DYRK1A: variants seen among roughly 807,000 people sequenced by gnomAD.
The protein encoded by DYRK1A is dual specificity tyrosine phosphorylation regulated kinase 1A.
A neutral mutation model predicts 79.7 loss-of-function variants in DYRK1A; 9 were observed. The ratio of observed to expected loss-of-function variants is 0.11; its 90% confidence interval spans 0.07 to 0.20. The LOEUF is 0.20. Ranked by LOEUF, DYRK1A falls within the 10% of genes least tolerant of loss-of-function variation. The probability of loss-of-function intolerance (pLI) is 1.00; values close to 1 mark genes in which losing one functional copy is unlikely to be tolerated. For synonymous variants in DYRK1A, 349 were observed against 329.7 expected (o/e 1.06, Z -0.63); for missense variants, 622 against 956.0 (o/e 0.65, Z 4.61).
At chr21:37,509,282 G>A (rs914692093) in intron 11 of DYRK1A, among the ~76,000 whole-genome samples, 3 of 152,070 alleles carry the variant, frequency 2.0e-5, no homozygotes, top group Admixed American at 2.0e-4. Flanking sequence ...CCAGGCAAAC[G>A]CTTTCAGAAC....
chr21:37,506,624 A>T (rs1345171152), intron 11 of DYRK1A, among the ~76,000 whole-genome samples: 1 of 152,140 alleles, frequency 6.6e-6, no homozygotes, highest in Non-Finnish European at 1.5e-5. Context: ...TAGCATTTAT[A>T]GTCCTGGATT....
chr21:37,441,962 GT>G (rs34848736), intron 2 of DYRK1A, among the ~76,000 whole-genome samples: 14,170 of 139,936 alleles, frequency 0.1, 755 homozygotes, highest in Non-Finnish European at 0.11. Flanking sequence ...TTATTTTGCT[GT>G]TTTTTTTTTT....
chr21:37,395,820 A>G lies in DYRK1A; in HGVS notation c.-76-24479A>G, dbSNP rs574703883. Reference sequence around the variant, plus strand: ...TCTGTGAAATTTTGCATCCAAGTCAATTGGTTTTTATCCTTGTGAATAAAG... The same window carrying G: ...TCTGTGAAATTTTGCATCCAAGTCAGTTGGTTTTTATCCTTGTGAATAAAG... On this transcript the variant is annotated intron_variant, in intron 1 of 11. Coordinates refer to ENST00000647188, the MANE Select transcript of DYRK1A (RefSeq NM_001347721.2). 5.3e-4 allele frequency among the ~76,000 whole-genome samples: 81 copies of G among 152,362 alleles called. 1 individual carries two copies. The highest frequency in any genetic ancestry group is 8.8e-4 in the Non-Finnish European group (60 of 68,036).
In DYRK1A at chr21:37,480,576, G is replaced by C. The variant is rs1004099952; in HGVS notation, c.301-62G>C. ...AAATAGGTGTGTGTCAATATACTCTGATAATGCCCTTCCTCACAGTGATTT... is the reference window on the plus strand; with the variant it reads ...AAATAGGTGTGTGTCAATATACTCTCATAATGCCCTTCCTCACAGTGATTT... On this transcript the variant is annotated intron_variant, in intron 4 of 11. Transcript: ENST00000647188. The C allele has an allele frequency of 1.2e-5, 16 of 1,333,642 alleles. No homozygotes were observed. In the Admixed American group the frequency reaches 2.9e-4, roughly 24 times the overall value. 82.6% of individuals were successfully genotyped at this position (1,333,642 alleles called of 1,614,324 possible).
intron 11 of DYRK1A, among the ~76,000 whole-genome samples, chr21:37,510,650 A>G (rs765151031): frequency 1.6e-4 from 25 of 152,170 alleles, no homozygotes; most frequent in Non-Finnish European, 2.4e-4. Context: ...TTTTTGTGCA[A>G]CAGTCCAGAA....
chr21:37,502,428 G>A (rs2053477871), intron 9 of DYRK1A: 1 of 151,720 alleles, frequency 6.6e-6, no homozygotes, highest in South Asian at 2.1e-4. Flanking sequence ...TCCTCTATGT[G>A]TCATGTTTAG....
At chr21:37,382,383 C>T (rs1401648186) in intron 1 of DYRK1A, among the ~76,000 whole-genome samples, 1 of 152,080 alleles carries the variant, frequency 6.6e-6, no homozygotes, top group East Asian at 1.9e-4. Flanking sequence ...TTAGTCAGAA[C>T]TCCCTGGAGT....
At chr21:37,393,034 C>G (rs2148389481) in intron 1 of DYRK1A, among the ~76,000 whole-genome samples, 1 of 152,374 alleles carries the variant, frequency 6.6e-6, no homozygotes, top group South Asian at 2.1e-4. Context: ...ACCTGAACAT[C>G]TTCCAAAATC....
At chr21:37,462,545 T>C (rs146564527) in intron 2 of DYRK1A, among the ~76,000 whole-genome samples, 1 of 152,346 alleles carries the variant, frequency 6.6e-6, no homozygotes, top group Admixed American at 6.5e-5. Context: ...TCCCTGGTAG[T>C]TGTTCTGTGC....
chr21:37,449,043 CT>C (rs1325477909), intron 2 of DYRK1A, among the ~76,000 whole-genome samples: 5 of 152,228 alleles, frequency 3.3e-5, no homozygotes, highest in African/African-American at 1.2e-4. Context: ...CATTTTTCCC[CT>C]GCTTTACTTT....
chr21:37,481,036 G>T, intron 5 of DYRK1A: 1 of 456,580 alleles, frequency 2.2e-6, no homozygotes, highest in African/African-American at 2.0e-5. Flanking sequence ...AAACTTTTAT[G>T]GCTACCAAGT....
intron 2 of DYRK1A, chr21:37,428,817 C>T (rs1377044886): frequency 3.8e-5 from 5 of 130,254 alleles, no homozygotes; most frequent in Admixed American, 3.8e-4. Context: ...AGATCATCTC[C>T]TCAAAAGGTG....
intron 1 of DYRK1A, among the ~76,000 whole-genome samples, chr21:37,379,468 A>G (rs1237212284): frequency 6.6e-6 from 1 of 152,250 alleles, no homozygotes; most frequent in Non-Finnish European, 1.5e-5. Flanking sequence ...CTAGGAATGC[A>G]GTGATTAGGT....
intron 5 of DYRK1A, 156 bp downstream of exon 5, chr21:37,480,982 G>A: frequency 3.3e-6 from 2 of 599,872 alleles, no homozygotes; most frequent in Non-Finnish European, 5.6e-6. Flanking sequence ...ATTCTTTAAA[G>A]GTAGTGATAC....
intron 3 of DYRK1A, among the ~76,000 whole-genome samples, chr21:37,475,751 T>G (rs1333010241): frequency 6.6e-6 from 1 of 152,346 alleles, no homozygotes; most frequent in South Asian, 2.1e-4. Flanking sequence ...TTTGATCATG[T>G]AACTCATGTT....
rs1477858408 is a variant in DYRK1A at position 37,522,167 on chromosome 21, C to G, written c.*9636C>G. The stretch of plus-strand genomic sequence containing the variant: ...TCAAGGGATAGAAGATTGTCCAGCC[C>G]CTTGCTGCCCAGTGTAGTCAGTGGG... On this transcript the variant is annotated 3_prime_UTR_variant, in exon 12 of 12. Transcript: ENST00000647188. 2 of 152,156 alleles carry G rather than the reference C, an allele frequency of 1.3e-5. No individual in the cohort carries two copies. The highest frequency in any genetic ancestry group is 2.9e-5 in the Non-Finnish European group (2 of 68,024). 9.4% of individuals were successfully genotyped at this position (152,156 alleles called of 1,614,324 possible).
chr21:37,474,673 G>A lies in DYRK1A; in HGVS notation c.207+1793G>A, dbSNP rs79394039. On this transcript the variant is annotated intron_variant, in intron 3 of 11. Coordinates refer to ENST00000647188, the MANE Select transcript of DYRK1A (RefSeq NM_001347721.2). ...GACTAGAACCCCCAACACATACAAA[G>A]TACCTTTTAGCTGTAAACTTACTGT... 4.1e-3 allele frequency among the ~76,000 whole-genome samples: 628 copies of A among 152,272 alleles called. 4 individuals carry two copies. Among genetic ancestry groups the A allele is most frequent in the Admixed American group, 0.017 (267 of 15,298 alleles).
intron 1 of DYRK1A, among the ~76,000 whole-genome samples, chr21:37,408,933 C>A (rs13047129): frequency 1.3e-5 from 2 of 152,142 alleles, no homozygotes; most frequent in Non-Finnish European, 2.9e-5. Context: ...CATGCAGTTA[C>A]CTGCAGTTCA....
chr21:37,433,695 C>T (rs577931898), intron 2 of DYRK1A, among the ~76,000 whole-genome samples: 7 of 152,234 alleles, frequency 4.6e-5, no homozygotes, highest in Admixed American at 2.0e-4. Flanking sequence ...AGCCTTGACT[C>T]GTAGTGTGTA....
Sources: gnomAD v4.1 joint callset for allele counts (sites outside exome capture counted in the v4.1 genomes callset) on GRCh38, gnomAD v4.1.1 for gene constraint, MANE v1.5 for transcripts, NCBI Gene and HGNC (gene_info 2026-07-23, HGNC 2026-07-21) for gene names.